ACBD6: variants seen among roughly 807,000 people sequenced by gnomAD.
ACBD6 encodes acyl-CoA-binding domain-containing protein 6.
A neutral mutation model predicts 37.2 loss-of-function variants in ACBD6; 28 were observed. The observed-to-expected ratio is 0.75, with a 90% CI of 0.56 to 1.03. The LOEUF (loss-of-function observed/expected upper bound fraction) is 1.03. Among genes scored for constraint, ACBD6 ranks in the 50% least tolerant of loss-of-function variants. The pLI is 0.00. For missense variants in ACBD6, 340 were observed against 337.4 expected, an observed-to-expected ratio of 1.01 and a Z score of -0.06; for synonymous variants, 113 against 126.8, an observed-to-expected ratio of 0.89 and a Z score of 0.73.
chr1:180,476,060 T>C (rs561676845), intron 3 of ACBD6, among the ~76,000 whole-genome samples: 3 of 152,080 alleles, frequency 2.0e-5, no homozygotes, highest in Admixed American at 6.6e-5. Context: ...TAGGGGAAAA[T>C]AGCAAAACAA....
intron 6 of ACBD6, among the ~76,000 whole-genome samples, chr1:180,362,430 G>A (rs1652885815): frequency 6.6e-6 from 1 of 152,080 alleles, no homozygotes; most frequent in East Asian, 1.9e-4. Flanking sequence ...GACAAAAGAA[G>A]GTGAAACAGG....
intron 7 of ACBD6, among the ~76,000 whole-genome samples, chr1:180,301,470 A>G (rs1384446345): frequency 6.6e-6 from 1 of 152,196 alleles, no homozygotes; most frequent in Non-Finnish European, 1.5e-5. Flanking sequence ...CATAAGATAA[A>G]ATACATGTAT....
Position 180,288,496 on chromosome 1 carries a change from T to C in ACBD6, c.716A>G (p.Asp239Gly). 6.2e-7 allele frequency: 1 copy of C among 1,613,482 alleles called. No individual in the cohort carries two copies. The highest frequency in any genetic ancestry group is 8.5e-7 in the Non-Finnish European group (1 of 1,179,850). The change falls in exon 8 of 8, where the codon GAT (aspartate) becomes GGT (glycine). Residue 239 changes from aspartate (D) to glycine (G), a missense_variant. Physicochemically the swap from Asp to Gly is moderately conservative, Grantham distance 94. Transcript: ENST00000367595. ...AGACTGGAGCAGCAGCTCTACAATA[T>C]CCAGAAACTCACAGGCAGAGGCTGA... ...LHYASACEFLDIVELLLQSGA... is the reference protein window; with the variant it reads ...LHYASACEFLGIVELLLQSGA...
intron 6 of ACBD6, among the ~76,000 whole-genome samples, chr1:180,348,883 CAAATA>C (rs1164027274): frequency 1.3e-5 from 2 of 152,166 alleles, no homozygotes; most frequent in African/African-American, 4.8e-5. Context: ...AACATATCAA[CAAATA>C]AAATCTGAAT....
At chr1:180,425,780 T>C (rs1648558741) in intron 4 of ACBD6, among the ~76,000 whole-genome samples, 1 of 152,196 alleles carries the variant, frequency 6.6e-6, no homozygotes, top group African/African-American at 2.4e-5. Flanking sequence ...CATATCTCTT[T>C]CAGGAAAATT....
chr1:180,311,881 G>A (rs1049748224), intron 7 of ACBD6, among the ~76,000 whole-genome samples: 1 of 152,164 alleles, frequency 6.6e-6, no homozygotes, highest in Non-Finnish European at 1.5e-5. Flanking sequence ...GCTATTAAAT[G>A]TCTGTAGTTC....
At chr1:180,460,166 G>A (rs930862439) in intron 3 of ACBD6, among the ~76,000 whole-genome samples, 1 of 146,288 alleles carries the variant, frequency 6.8e-6, no homozygotes, top group Non-Finnish European at 1.5e-5. Context: ...GGTGTGTGAT[G>A]TTCCTTAAGT....
intron 6 of ACBD6, among the ~76,000 whole-genome samples, chr1:180,377,675 T>C (rs10913973): frequency 0.49 from 73,918 of 152,036 alleles, 20,790 homozygotes; most frequent in South Asian, 0.66. Flanking sequence ...AGGCCAGGCA[T>C]GGTGGCTCAT....
intron 6 of ACBD6, among the ~76,000 whole-genome samples, chr1:180,392,643 A>G (rs1209884209): frequency 6.6e-6 from 1 of 152,168 alleles, no homozygotes; most frequent in Non-Finnish European, 1.5e-5. Flanking sequence ...TGCACATAAA[A>G]TTCTTGACAC....
intron 3 of ACBD6, among the ~76,000 whole-genome samples, chr1:180,468,930 T>C (rs757701328): frequency 5.9e-5 from 9 of 152,240 alleles, no homozygotes; most frequent in Non-Finnish European, 8.8e-5. Flanking sequence ...CCATATGTCC[T>C]CAACTTGTGG....
At chr1:180,487,231 G>T (rs1211649507) in intron 3 of ACBD6, among the ~76,000 whole-genome samples, 1 of 152,092 alleles carries the variant, frequency 6.6e-6, no homozygotes. Context: ...TGCTGATTTT[G>T]ATCATTATAG....
chr1:180,329,481 A>G (rs1651393259), intron 6 of ACBD6, among the ~76,000 whole-genome samples: 1 of 152,196 alleles, frequency 6.6e-6, no homozygotes, highest in South Asian at 2.1e-4. Flanking sequence ...TGTGTCTAAA[A>G]CTGGGAAACT....
Position 180,336,262 on chromosome 1 carries a change from G to A in ACBD6, c.664-21540C>T, listed in dbSNP as rs1376523455. On this transcript the variant is annotated intron_variant, in intron 6 of 7. Coordinates refer to ENST00000367595, the MANE Select transcript of ACBD6 (RefSeq NM_032360.4). The stretch of plus-strand genomic sequence containing the variant: ...TCCAAAACTGATCACATAGTTGGAA[G>A]TAAAGCACTCCTCAGCAAATGTAAA... Among the ~76,000 whole-genome samples, 7 of 147,490 alleles carry A rather than the reference G, an allele frequency of 4.7e-5. No individual in the cohort carries two copies. The East Asian group carries it at 1.4e-3, about 29-fold the overall frequency.
intron 3 of ACBD6, among the ~76,000 whole-genome samples, chr1:180,477,926 G>A (rs922357200): frequency 2.7e-5 from 4 of 150,696 alleles, no homozygotes; most frequent in African/African-American, 7.4e-5. Context: ...AGGATAACTT[G>A]AGCCCAGGAG....
At chr1:180,418,671 A>G (rs527661607) in intron 4 of ACBD6, among the ~76,000 whole-genome samples, 26 of 152,334 alleles carry the variant, frequency 1.7e-4, no homozygotes, top group Middle Eastern at 6.8e-3. Flanking sequence ...CATACTTAGC[A>G]CACTGAAAAC....
chr1:180,462,233 T>C (rs893484568), intron 3 of ACBD6, among the ~76,000 whole-genome samples: 1 of 151,660 alleles, frequency 6.6e-6, no homozygotes, highest in Non-Finnish European at 1.5e-5. Context: ...TGAGACTCCG[T>C]CTCAAAAATA....
At chr1:180,461,549 A>G (rs1343346677) in intron 3 of ACBD6, among the ~76,000 whole-genome samples, 2 of 152,234 alleles carry the variant, frequency 1.3e-5, no homozygotes, top group African/African-American at 2.4e-5. Flanking sequence ...GAAGCCCATC[A>G]CACTAGCAGT....
intron 6 of ACBD6, among the ~76,000 whole-genome samples, chr1:180,350,264 G>A (rs1396767597): frequency 6.6e-6 from 1 of 152,086 alleles, no homozygotes; most frequent in African/African-American, 2.4e-5. Flanking sequence ...CAACTTCTAA[G>A]CTCAAGCGAT....
chr1:180,334,289 C>A (rs61057572), intron 6 of ACBD6, among the ~76,000 whole-genome samples: 1 of 152,092 alleles, frequency 6.6e-6, no homozygotes, highest in African/African-American at 2.4e-5. Flanking sequence ...TGACACCTCA[C>A]ACGGCCGGGT....
Sources: allele counts gnomAD v4.1 joint callset (sites outside exome capture counted in the v4.1 genomes callset), GRCh38; gene constraint gnomAD v4.1.1; transcripts MANE v1.5; gene names NCBI Gene and HGNC (gene_info 2026-07-23, HGNC 2026-07-21).